Variants in ADGRL2 observed in about 807,000 individuals in gnomAD.
ADGRL2 encodes the protein calcium-independent alpha-latrotoxin receptor 2.
In ADGRL2, 44 loss-of-function variants were observed where a neutral mutation model predicts 157.4. The observed-to-expected ratio is 0.28, with a 90% confidence interval of 0.22 to 0.36. ADGRL2 has a LOEUF of 0.36. ADGRL2 is among the 10% of genes least tolerant of loss of function. The pLI is 1.00. For synonymous variants in ADGRL2, 585 were observed against 624.7 expected (o/e 0.94, Z 0.95); for missense variants, 1,510 against 1,768.9 (o/e 0.85, Z 2.63).
At chr1:81,351,131 T>A (rs1354446895) in intron 1 of ADGRL2, among the ~76,000 whole-genome samples, 1 of 152,158 alleles carries the variant, frequency 6.6e-6, no homozygotes, top group African/African-American at 2.4e-5. Context: ...TTACAAATCT[T>A]GACTTTCAGA....
At chr1:81,445,685 G>A (rs4390217) in intron 2 of ADGRL2, among the ~76,000 whole-genome samples, 102,685 of 151,934 alleles carry the variant, frequency 0.68, 34,987 homozygotes, top group East Asian at 0.74. Flanking sequence ...ACTTACATAG[G>A]ATCTTTAATT....
chr1:81,629,319 T>C (rs527496083), intron 3 of ADGRL2, among the ~76,000 whole-genome samples: 1 of 152,304 alleles, frequency 6.6e-6, no homozygotes, highest in South Asian at 2.1e-4. Context: ...TCATATTGAA[T>C]GCCTGAAGGT....
chr1:81,680,355 C>T (rs1389474396), intron 3 of ADGRL2, among the ~76,000 whole-genome samples: 3 of 152,126 alleles, frequency 2.0e-5, no homozygotes, highest in Non-Finnish European at 4.4e-5. Flanking sequence ...GGGTAGTAAA[C>T]AAACTGTTTA....
chr1:81,513,130 C>G (rs2079109870), intron 2 of ADGRL2, among the ~76,000 whole-genome samples: 1 of 152,060 alleles, frequency 6.6e-6, no homozygotes, highest in Non-Finnish European at 1.5e-5. Flanking sequence ...ATGCTTATTT[C>G]TCTTTTTAAT....
At chr1:81,911,788 C>T (rs1361398630) in intron 3 of ADGRL2, among the ~76,000 whole-genome samples, 1 of 151,910 alleles carries the variant, frequency 6.6e-6, no homozygotes, top group African/African-American at 2.4e-5. Flanking sequence ...TAATACATAC[C>T]GTGTGAGGAA....
At chr1:81,659,908 G>A (rs982245348) in intron 3 of ADGRL2, among the ~76,000 whole-genome samples, 5 of 152,168 alleles carry the variant, frequency 3.3e-5, no homozygotes, top group Non-Finnish European at 7.3e-5. Context: ...ATAATGAAAT[G>A]TTGTTTGTGT....
intron 9 of ADGRL2, 77 bp downstream of exon 9, chr1:81,952,219 C>G: frequency 1.6e-6 from 2 of 1,237,938 alleles, no homozygotes; most frequent in Non-Finnish European, 2.2e-6. Flanking sequence ...CAGTTGAGAG[C>G]CAAATCTTTG....
intron 1 of ADGRL2, among the ~76,000 whole-genome samples, chr1:81,335,958 GA>G (rs913500569): frequency 1.3e-5 from 2 of 152,102 alleles, no homozygotes; most frequent in Non-Finnish European, 2.9e-5. Flanking sequence ...CCATTAGCTG[GA>G]ATCTAGATTC....
intron 1 of ADGRL2, among the ~76,000 whole-genome samples, chr1:81,416,448 G>T (rs2077036489): frequency 6.6e-6 from 1 of 152,048 alleles, no homozygotes; most frequent in Non-Finnish European, 1.5e-5. Flanking sequence ...TTCCCTGCGT[G>T]CTACCTCCTC....
At chr1:81,377,729 T>C (rs1311988909) in intron 1 of ADGRL2, among the ~76,000 whole-genome samples, 5 of 152,274 alleles carry the variant, frequency 3.3e-5, no homozygotes, top group African/African-American at 1.2e-4. Flanking sequence ...TATTCTTCAC[T>C]TAAAAATGTT....
chr1:81,544,418 A>G (rs1206938828), intron 2 of ADGRL2, among the ~76,000 whole-genome samples: 1 of 152,174 alleles, frequency 6.6e-6, no homozygotes, highest in Admixed American at 6.5e-5. Context: ...TGTTTGTTAT[A>G]GTTACTTATG....
intron 11 of ADGRL2, among the ~76,000 whole-genome samples, chr1:81,957,299 G>T (rs1426218452): frequency 6.6e-6 from 1 of 151,910 alleles, no homozygotes; most frequent in Non-Finnish European, 1.5e-5. Flanking sequence ...AGAACACACT[G>T]TAATTATAGA....
chr1:81,322,306 G>A (rs1221551571), intron 1 of ADGRL2, among the ~76,000 whole-genome samples: 1 of 151,460 alleles, frequency 6.6e-6, no homozygotes, highest in Non-Finnish European at 1.5e-5. Context: ...CATTGAATGT[G>A]ATCAAAGTAA....
rs10653806 is a variant in ADGRL2, at chr1:81,822,028, C to CTTTTTTTTTTT, written c.-100-14852_-100-14842dup. On this transcript the variant is annotated intron_variant, in intron 1 of 23. Coordinates refer to ENST00000686636, the MANE Select transcript of ADGRL2 (RefSeq NM_001366006.2). ...TGTGCATTATAGGTAATATCAGAAA[C>CTTTTTTTTTTT]TTTTTTTTTTTTTTTGCAAAGCATA... Among the ~76,000 whole-genome samples the CTTTTTTTTTTT allele has an allele frequency of 1.0e-3, 126 of 125,170 alleles. 3 individuals carry two copies. The highest frequency in any genetic ancestry group is 2.5e-3 in the African/African-American group (81 of 32,688). The allele number at this position is 125,170 out of a possible 152,430, so 82.1% of individuals were successfully genotyped here. A position where few individuals can be genotyped will look rare whatever the true frequency, so the allele number is the denominator to read the frequency against.
chr1:81,711,503 G>T (rs893054432), intron 1 of ADGRL2, among the ~76,000 whole-genome samples: 1 of 152,162 alleles, frequency 6.6e-6, no homozygotes, highest in Non-Finnish European at 1.5e-5. Context: ...TGTATATTCA[G>T]AGATTTAGAT....
At chr1:81,350,207 A>C (rs559505532) in intron 1 of ADGRL2, among the ~76,000 whole-genome samples, 23 of 152,334 alleles carry the variant, frequency 1.5e-4, no homozygotes, top group South Asian at 1.4e-3. Flanking sequence ...TTGAGTTCAT[A>C]AGTGCATAGC....
chr1:81,506,605 G>C (rs2078980650), intron 2 of ADGRL2, among the ~76,000 whole-genome samples: 2 of 152,008 alleles, frequency 1.3e-5, no homozygotes, highest in African/African-American at 4.8e-5. Flanking sequence ...AGCTACTCAG[G>C]AGGCTGAGGC....
rs947047129 is a variant in ADGRL2 at position 81,970,378 on chromosome 1, G to T, written c.2798G>T (p.Cys933Phe). The T allele has an allele frequency of 9.4e-6, 15 of 1,593,002 alleles. No homozygotes were observed. Among genetic ancestry groups the T allele is most frequent in the Non-Finnish European group, 1.3e-5 (15 of 1,173,770 alleles). Residue 933 changes from cysteine (C) to phenylalanine (F), a missense_variant, in exon 16 of 24, where the codon TGC (cysteine) becomes TTC (phenylalanine). Coordinates refer to ENST00000686636, the MANE Select transcript of ADGRL2 (RefSeq NM_001366006.2). ...TTTTTGGCAGCTTTTGCTTGGATGT[G>T]CCTAGAAGGTGTGCAGCTCTACCTA... is the stretch of plus-strand genomic sequence containing the variant. ...FFFLAAFAWM[C>F]LEGVQLYLML...
chr1:81,975,430 A>G (rs1237162846), intron 17 of ADGRL2, among the ~76,000 whole-genome samples: 1 of 152,110 alleles, frequency 6.6e-6, no homozygotes, highest in Non-Finnish European at 1.5e-5. Flanking sequence ...AGGGTCAAAG[A>G]GTGGCTGCAT....
Sources: allele counts gnomAD v4.1 joint callset (sites outside exome capture counted in the v4.1 genomes callset), GRCh38; gene constraint gnomAD v4.1.1; transcripts MANE v1.5; gene names NCBI Gene and HGNC (gene_info 2026-07-23, HGNC 2026-07-21).